NRBP2: variants seen among roughly 807,000 people sequenced by gnomAD.
NRBP2 encodes nuclear receptor binding protein 2.
NRBP2 carries 47 observed loss-of-function variants against 74.4 expected under a neutral mutation model. That is an observed-to-expected ratio of 0.63 (90% CI 0.50 to 0.81). NRBP2 has a LOEUF of 0.81. Among genes scored for constraint, NRBP2 ranks in the 30% least tolerant of loss-of-function variants. The pLI, the probability that NRBP2 is intolerant of heterozygous loss-of-function variation, is 0.00. For synonymous variants in NRBP2, 312 were observed against 273.8 expected, an observed-to-expected ratio of 1.14 and a Z score of -1.38; for missense variants, 613 against 690.1, an observed-to-expected ratio of 0.89 and a Z score of 1.25.
Position 143,834,826 on chromosome 8 carries a change from C to T in NRBP2, c.*836G>A, listed in dbSNP as rs1818289004. On this transcript the variant is annotated 3_prime_UTR_variant, in exon 18 of 18. Transcript: ENST00000442628. ...AGGCAGGGAGCCAGGAGCTGACATC[C>T]TCAGAGGCCCAGGGAGCAGCTGCCC... 1 of 152,644 alleles carries T rather than the reference C, an allele frequency of 6.6e-6. No individual in the cohort carries two copies. Among genetic ancestry groups the T allele is most frequent in the Admixed American group, 6.5e-5 (1 of 15,298 alleles). The allele number at this position is 152,644 out of a possible 1,614,324, so 9.5% of individuals were successfully genotyped here. A position where few individuals can be genotyped will look rare whatever the true frequency, so the allele number is the denominator to read the frequency against.
At position 143,839,267 on chromosome 8, in the gene NRBP2, C is replaced by T; in HGVS notation, c.580+47G>A. 6.5e-7 allele frequency: 1 copy of T among 1,535,572 alleles called. No individual in the cohort carries two copies. Among genetic ancestry groups the T allele is most frequent in the South Asian group, 1.2e-5 (1 of 84,054 alleles). On this transcript the variant is annotated intron_variant, in intron 6 of 17. Transcript: ENST00000442628. This position sits in a 1 kb window ranked among gnomAD's most constrained non-coding sequence, Gnocchi z 5.1. ...GAACTCCTCTGCCCTTGGCTCCAGGCACCTTCCCCTGCCCCGTTCCCCCAC... is the reference window on the plus strand; with the variant it reads ...GAACTCCTCTGCCCTTGGCTCCAGGTACCTTCCCCTGCCCCGTTCCCCCAC...
Position 143,834,152 on chromosome 8 carries a change from G to A in NRBP2, c.*1510C>T, listed in dbSNP as rs1554650878. On this transcript the variant is annotated 3_prime_UTR_variant, in exon 18 of 18. Transcript: ENST00000442628. ...ATGTGTTTAATATTAAAAACCTTGA[G>A]GAGGGAGATTATCATGTATTATCTG... 6.6e-6 allele frequency: 1 copy of A among 152,196 alleles called. No homozygotes were observed. The highest frequency in any genetic ancestry group is 1.5e-5 in the Non-Finnish European group (1 of 68,040). The allele number at this position is 152,196 out of a possible 1,614,324, so 9.4% of individuals were successfully genotyped here. A position where few individuals can be genotyped will look rare whatever the true frequency, so the allele number is the denominator to read the frequency against.
rs782345431 is a variant in NRBP2, at chr8:143,839,829, C to T, written c.355-4G>A. The T allele has an allele frequency of 6.5e-7, 1 of 1,536,094 alleles. No individual in the cohort carries two copies. Among genetic ancestry groups the T allele is most frequent in the South Asian group, 1.2e-5 (1 of 84,068 alleles). On this transcript the variant is annotated splice_region_variant and splice_polypyrimidine_tract_variant and intron_variant, in intron 3 of 17. Coordinates refer to ENST00000442628, the MANE Select transcript of NRBP2 (RefSeq NM_178564.4). The surrounding 1 kb of genome is among the most constrained non-coding windows in gnomAD (Gnocchi z 5.1). ...CGTACTCTGTGATGAAGATGACCTG[C>T]ACGGTGCGAGCTCAGGATTTCCACC... is the stretch of plus-strand genomic sequence containing the variant.
At position 143,839,978 on chromosome 8, in the gene NRBP2, A is replaced by G; in HGVS notation, c.305T>C (p.Ile102Thr). The G allele has an allele frequency of 6.5e-7, 1 of 1,536,048 alleles. No homozygotes were observed. Among genetic ancestry groups the G allele is most frequent in the African/African-American group, 1.4e-5 (1 of 73,112 alleles). Reference sequence around the variant, plus strand: ...CAGCCAGTACTTGTGCAACTTCACGATGTTCGGGTGGTCCACCAGCACCAG... The same window carrying G: ...CAGCCAGTACTTGTGCAACTTCACGGTGTTCGGGTGGTCCACCAGCACCAG... Reference protein sequence around the residue: ...EQLVLVDHPNIVKLHKYWLDT... With the variant: ...EQLVLVDHPNTVKLHKYWLDT... The change falls in exon 3 of 18, where the codon ATC (isoleucine) becomes ACC (threonine). Residue 102 changes from isoleucine (I) to threonine (T), a missense_variant. By Grantham distance (89) the Ile-to-Thr change is moderately conservative. Transcript: ENST00000442628. The surrounding 1 kb of genome is among the most constrained non-coding windows in gnomAD (Gnocchi z 5.1).
chr8:143,835,648 G>A lies in NRBP2; in HGVS notation c.*14C>T. ...CAGCACCCCGGCATGGTCCCCTGGG[G>A]CTGGGGCTCCGGGTCAGGCCTGGGT... is the stretch of plus-strand genomic sequence containing the variant. On this transcript the variant is annotated 3_prime_UTR_variant, in exon 18 of 18. Transcript: ENST00000442628. The surrounding 1 kb of genome is among the most constrained non-coding windows in gnomAD (Gnocchi z 4.9). 1 of 1,567,262 alleles carries A rather than the reference G, an allele frequency of 6.4e-7. No homozygotes were observed. Among genetic ancestry groups the A allele is most frequent in the South Asian group, 1.2e-5 (1 of 84,048 alleles).
chr8:143,838,123 G>C (rs528121598), intron 10 of NRBP2: 2 of 467,150 alleles, frequency 4.3e-6, no homozygotes, highest in African/African-American at 4.0e-5. Flanking sequence ...GTCCACATCC[G>C]TGCCCAGCCC....
At position 143,837,046 on chromosome 8, in the gene NRBP2, G is replaced by A. The variant is rs1554651984; in HGVS notation, c.1256C>T (p.Thr419Ile). Residue 419 changes from threonine to isoleucine, a missense_variant, in exon 14 of 18, where the codon ACC (threonine) becomes ATC (isoleucine). Physicochemically the swap from Thr to Ile is moderately conservative, Grantham distance 89. Coordinates refer to ENST00000442628, the MANE Select transcript of NRBP2 (RefSeq NM_178564.4). This position sits in a 1 kb window ranked among gnomAD's most constrained non-coding sequence, Gnocchi z 4.3. ...GCAGGAGAGGGGACTCACCTTTCTG[G>A]TCTCAGAGTCAAAGGGCTCTGGCGT... is the stretch of plus-strand genomic sequence containing the variant. Reference protein sequence around the residue: ...TPTPEPFDSETRKVIQMQCNL... With the variant: ...TPTPEPFDSEIRKVIQMQCNL... 2 of 1,609,932 alleles carry A rather than the reference G, an allele frequency of 1.2e-6. No homozygotes were observed. Among genetic ancestry groups the A allele is most frequent in the African/African-American group, 2.7e-5 (2 of 74,528 alleles).
At chr8:143,831,628 C>A (rs1234072779), downstream of NRBP2, among the ~76,000 whole-genome samples, 3 of 152,034 alleles carry the variant, frequency 2.0e-5, no homozygotes, top group South Asian at 2.1e-4. Flanking sequence ...CTCAAAAAAA[C>A]AACAAAAACT....
chr8:143,836,068 G>A, intron 15 of NRBP2, 38 bp from the exon 16 acceptor site: 1 of 1,575,150 alleles, frequency 6.3e-7, no homozygotes, highest in Non-Finnish European at 8.6e-7. Flanking sequence ...TGGGGGTTCA[G>A]GGCTCCGCCA....
At chr8:143,836,901 C>T in intron 14 of NRBP2, 138 bp downstream of exon 14, 1 of 981,410 alleles carries the variant, frequency 1.0e-6, no homozygotes, top group Non-Finnish European at 1.5e-6. Context: ...ACAAGGGGGT[C>T]AGCCTGGATC....
At chr8:143,836,977 C>T (rs1554651958) in intron 14 of NRBP2, 62 bp downstream of exon 14, 9 of 1,559,828 alleles carry the variant, frequency 5.8e-6, no homozygotes, top group South Asian at 1.2e-5. Flanking sequence ...AGGAGGGGCA[C>T]CTCTTATCTG....
At chr8:143,830,048 G>C (rs1400704917), downstream of NRBP2, among the ~76,000 whole-genome samples, 1 of 152,216 alleles carries the variant, frequency 6.6e-6, no homozygotes, top group Non-Finnish European at 1.5e-5. Flanking sequence ...TGTAAGCTCA[G>C]GCACCTTCAG....
At chr8:143,836,687 GA>G (rs1554651875) in intron 14 of NRBP2, among the ~76,000 whole-genome samples, 1 of 142,994 alleles carries the variant, frequency 7.0e-6, no homozygotes, top group East Asian at 2.1e-4. Flanking sequence ...CCAGGTGGGG[GA>G]TGGGAGGGGT....
rs782213930 is a variant in NRBP2 at position 143,837,103 on chromosome 8, G to C, written c.1199C>G (p.Pro400Arg). 6.2e-7 allele frequency: 1 copy of C among 1,612,464 alleles called. No individual in the cohort carries two copies. Among genetic ancestry groups the C allele is most frequent in the Non-Finnish European group, 8.5e-7 (1 of 1,179,402 alleles). Reference protein sequence around the residue: ...PLGLPRVLAPPPEEVQKAKTP... With the variant: ...PLGLPRVLAPRPEEVQKAKTP... ...CTTGGCCTTTTGGACCTCCTCCGGG[G>C]GTGGGGCCAGCACACGGGGCAGCCC... Residue 400 changes from proline (P) to arginine (R), a missense_variant, in exon 14 of 18, where the codon CCC (proline) becomes CGC (arginine). By Grantham distance (103) the Pro-to-Arg change is moderately radical. Coordinates refer to ENST00000442628, the MANE Select transcript of NRBP2 (RefSeq NM_178564.4). The surrounding 1 kb of genome is among the most constrained non-coding windows in gnomAD (Gnocchi z 4.3).
downstream of NRBP2, among the ~76,000 whole-genome samples, chr8:143,831,510 A>G (rs1308151608): frequency 3.3e-5 from 5 of 151,846 alleles, no homozygotes; most frequent in Non-Finnish European, 5.9e-5. Context: ...AGTCCTAGCT[A>G]CTAGAGAGGC....
chr8:143,839,035 A>G lies in NRBP2; in HGVS notation c.670T>C (p.Phe224Leu). 6.5e-7 allele frequency: 1 copy of G among 1,543,222 alleles called. No individual in the cohort carries two copies. The highest frequency in any genetic ancestry group is 8.7e-7 in the Non-Finnish European group (1 of 1,145,842). Residue 224 changes from phenylalanine (F) to leucine (L), a missense_variant, in exon 8 of 18, where the codon TTC (phenylalanine) becomes CTC (leucine). Phe to Leu is a conservative substitution (Grantham distance 22). Coordinates refer to ENST00000442628, the MANE Select transcript of NRBP2 (RefSeq NM_178564.4). This position sits in a 1 kb window ranked among gnomAD's most constrained non-coding sequence, Gnocchi z 5.1. ...EREELRNLHF[F>L]PPEYGEVADG... ...CACTCACCTCCATACTCTGGGGGGA[A>G]GAAGTGCAGGTTCCGAAGTTCCTCT... is the stretch of plus-strand genomic sequence containing the variant.
downstream of NRBP2, among the ~76,000 whole-genome samples, chr8:143,832,792 AGGG>A (rs1818209701): frequency 6.6e-6 from 1 of 152,210 alleles, no homozygotes; most frequent in South Asian, 2.1e-4. Context: ...ATAAATACTA[AGGG>A]AACTCAGAGG....
At chr8:143,832,410 A>G (rs1312812268), downstream of NRBP2, among the ~76,000 whole-genome samples, 1 of 152,010 alleles carries the variant, frequency 6.6e-6, no homozygotes, top group Non-Finnish European at 1.5e-5. Flanking sequence ...ACACCCGTAA[A>G]GGGTCTGTGC....
intron 14 of NRBP2, 136 bp downstream of exon 14, chr8:143,836,903 G>C: frequency 9.9e-7 from 1 of 1,014,130 alleles, no homozygotes; most frequent in South Asian, 1.5e-5. Flanking sequence ...AAGGGGGTCA[G>C]CCTGGATCTG....
Sources: allele counts gnomAD v4.1 joint callset (sites outside exome capture counted in the v4.1 genomes callset), GRCh38; gene constraint gnomAD v4.1.1; non-coding constraint Gnocchi (gnomAD v3.1); transcripts MANE v1.5; gene names NCBI Gene and HGNC (gene_info 2026-07-23, HGNC 2026-07-21).